Variants in GRID1 observed in about 807,000 individuals in gnomAD.
The protein encoded by GRID1 is glutamate ionotropic receptor delta type subunit 1, also known as glutamate receptor ionotropic, delta-1.
In GRID1, 28 loss-of-function variants were observed where a neutral mutation model predicts 98.0. The observed-to-expected ratio is 0.29, with a 90% CI of 0.21 to 0.39. GRID1 has a LOEUF of 0.39. Ranked by LOEUF, GRID1 falls within the 10% of genes least tolerant of loss-of-function variation. The pLI, the probability that GRID1 is intolerant of heterozygous loss-of-function variation, is 1.00. For missense variants in GRID1, 1,111 were observed against 1,340.5 expected, an observed-to-expected ratio of 0.83 and a Z score of 2.67; for synonymous variants, 553 against 538.5, an observed-to-expected ratio of 1.03 and a Z score of -0.37.
At chr10:85,731,783 C>G (rs1365486202) in intron 8 of GRID1, among the ~76,000 whole-genome samples, 1 of 110,358 alleles carries the variant, frequency 9.1e-6, no homozygotes, top group Non-Finnish European at 1.7e-5. Flanking sequence ...GCCTGGGCAA[C>G]AGAGTGAGAC....
At chr10:86,292,170 A>T (rs1163971150) in intron 2 of GRID1, among the ~76,000 whole-genome samples, 1 of 152,114 alleles carries the variant, frequency 6.6e-6, no homozygotes, top group Non-Finnish European at 1.5e-5. Flanking sequence ...CCCAGCACAG[A>T]CTCAGGGGAA....
intron 2 of GRID1, among the ~76,000 whole-genome samples, chr10:86,219,544 C>T (rs895666026): frequency 1.3e-5 from 2 of 152,210 alleles, no homozygotes; most frequent in Non-Finnish European, 1.5e-5. Flanking sequence ...GCAGCACCCC[C>T]GCTCCCCTTC....
chr10:85,992,104 G>C (rs1252785394), intron 4 of GRID1, among the ~76,000 whole-genome samples: 1 of 152,092 alleles, frequency 6.6e-6, no homozygotes, highest in East Asian at 1.9e-4. Flanking sequence ...AAGTGCAGGT[G>C]GGCTTGACTT....
chr10:86,309,081 C>A (rs976129268), intron 2 of GRID1, among the ~76,000 whole-genome samples: 5 of 152,028 alleles, frequency 3.3e-5, no homozygotes, highest in Admixed American at 6.6e-5. Flanking sequence ...AGTAGGAAGA[C>A]AATAGAGTAA....
At chr10:85,941,562 A>G (rs1341570145) in intron 4 of GRID1, among the ~76,000 whole-genome samples, 1 of 152,194 alleles carries the variant, frequency 6.6e-6, no homozygotes, top group African/African-American at 2.4e-5. Flanking sequence ...TGAACATGAC[A>G]TACTTTGAAA....
rs1407196752 is a variant in GRID1, at chr10:86,195,119, T to C, written c.520+11245A>G. The stretch of plus-strand genomic sequence containing the variant: ...CAGAGGAAGCTTAGGCAGAGGCAAG[T>C]CCTATCCCTACCCTTCCAGGAATGG... On this transcript the variant is annotated intron_variant, in intron 3 of 15. Transcript: ENST00000327946. The surrounding 1 kb of genome is among the most constrained non-coding windows in gnomAD (Gnocchi z 4.4). Among the ~76,000 whole-genome samples, 1 of 151,998 alleles carries C rather than the reference T, an allele frequency of 6.6e-6. No individual in the cohort carries two copies. Among genetic ancestry groups the C allele is most frequent in the Non-Finnish European group, 1.5e-5 (1 of 67,926 alleles).
intron 2 of GRID1, among the ~76,000 whole-genome samples, chr10:86,262,857 G>C (rs1365369264): frequency 1.3e-5 from 2 of 152,132 alleles, no homozygotes; most frequent in African/African-American, 4.8e-5. Context: ...TGGCGACAGA[G>C]AGCCCAGGAG....
At chr10:86,078,542 T>C (rs1843918012) in intron 4 of GRID1, among the ~76,000 whole-genome samples, 1 of 152,228 alleles carries the variant, frequency 6.6e-6, no homozygotes, top group South Asian at 2.1e-4. Flanking sequence ...GACTCATACC[T>C]TCTTTCTCAA....
At chr10:86,115,556 C>A (rs1346027541) in intron 4 of GRID1, among the ~76,000 whole-genome samples, 3 of 152,184 alleles carry the variant, frequency 2.0e-5, no homozygotes, top group African/African-American at 4.8e-5. Flanking sequence ...AATCTCATTA[C>A]CCCCATTTTT....
intron 2 of GRID1, among the ~76,000 whole-genome samples, chr10:86,292,410 A>G (rs563506325): frequency 2.0e-5 from 3 of 152,346 alleles, no homozygotes; most frequent in East Asian, 1.9e-4. Context: ...CTGCAGCCAC[A>G]TGCCCTAGGG....
chr10:85,676,580 G>A (rs1431778929), intron 12 of GRID1, among the ~76,000 whole-genome samples: 5 of 152,162 alleles, frequency 3.3e-5, no homozygotes, highest in Non-Finnish European at 7.3e-5. Flanking sequence ...AGAAAGCTTC[G>A]CAGTCAAACA....
At chr10:85,987,485 A>C (rs1589325857) in intron 4 of GRID1, among the ~76,000 whole-genome samples, 1 of 11,246 alleles carries the variant, frequency 8.9e-5, no homozygotes, top group East Asian at 3.0e-3. Flanking sequence ...CCCCTAACCT[A>C]ATCACGCCCC....
intron 4 of GRID1, among the ~76,000 whole-genome samples, chr10:85,932,664 A>G (rs1841871259): frequency 2.0e-5 from 3 of 152,228 alleles, no homozygotes; most frequent in Non-Finnish European, 2.9e-5. Flanking sequence ...TGGGCAACCA[A>G]TCAGACTTGT....
chr10:85,703,117 G>A (rs1158689919), intron 12 of GRID1, among the ~76,000 whole-genome samples: 1 of 151,992 alleles, frequency 6.6e-6, no homozygotes, highest in African/African-American at 2.4e-5. Context: ...GAAGGCAATC[G>A]AGCAAATTCT....
chr10:85,830,238 G>A (rs994144097), intron 8 of GRID1, among the ~76,000 whole-genome samples: 1 of 152,064 alleles, frequency 6.6e-6, no homozygotes, highest in African/African-American at 2.4e-5. Context: ...AATGGTGCTG[G>A]GATAACTGGC....
chr10:85,965,041 C>T (rs1184099786), intron 4 of GRID1, among the ~76,000 whole-genome samples: 2 of 152,200 alleles, frequency 1.3e-5, no homozygotes, highest in Non-Finnish European at 2.9e-5. Flanking sequence ...AAAAAAAGCT[C>T]ATCATCACTG....
intron 5 of GRID1, among the ~76,000 whole-genome samples, chr10:85,895,449 C>T (rs914180675): frequency 6.6e-6 from 1 of 152,108 alleles, no homozygotes; most frequent in African/African-American, 2.4e-5. Context: ...GAGCAGATGC[C>T]ACAGAATATC....
chr10:85,662,575 C>T lies in GRID1; in HGVS notation c.1998-15178G>A, dbSNP rs150628139. Reference sequence around the variant, plus strand: ...CCCCACCCACAAGGCCAATGCCAACCGGAGAGAGGCTCCCTTCTCCTTCCA... The same window carrying T: ...CCCCACCCACAAGGCCAATGCCAACTGGAGAGAGGCTCCCTTCTCCTTCCA... On this transcript the variant is annotated intron_variant, in intron 12 of 15. Coordinates refer to ENST00000327946, the MANE Select transcript of GRID1 (RefSeq NM_017551.3). 4.4e-3 allele frequency among the ~76,000 whole-genome samples: 663 copies of T among 152,302 alleles called. 5 individuals carry two copies. Among genetic ancestry groups the T allele is most frequent in the African/African-American group, 0.014 (585 of 41,578 alleles).
intron 4 of GRID1, among the ~76,000 whole-genome samples, chr10:85,983,403 G>A (rs1183354501): frequency 6.6e-6 from 1 of 152,226 alleles, no homozygotes; most frequent in Non-Finnish European, 1.5e-5. Flanking sequence ...CGGGACCCCA[G>A]CCTTGAGCAG....
Sources: gnomAD v4.1 joint callset for allele counts (sites outside exome capture counted in the v4.1 genomes callset) on GRCh38, gnomAD v4.1.1 for gene constraint, Gnocchi (gnomAD v3.1) non-coding constraint, MANE v1.5 for transcripts, NCBI Gene and HGNC (gene_info 2026-07-23, HGNC 2026-07-21) for gene names.